TPM4: variants seen among roughly 807,000 people sequenced by gnomAD.
The protein encoded by TPM4 is tropomyosin alpha-4 chain.
Under a neutral mutation model 35.8 loss-of-function variants are expected in TPM4, and 17 were observed. That is an observed-to-expected ratio of 0.47 (90% CI 0.32 to 0.71). TPM4 has a LOEUF of 0.71. Ranked by LOEUF, TPM4 falls within the 30% of genes least tolerant of loss-of-function variation. The pLI, the probability that TPM4 is intolerant of heterozygous loss-of-function variation, is 0.03. For synonymous variants in TPM4, 120 were observed against 122.9 expected, an observed-to-expected ratio of 0.98 and a Z score of 0.15; for missense variants, 240 against 320.9, an observed-to-expected ratio of 0.75 and a Z score of 1.93.
At chr19:16,085,319 T>A (rs1346258035) in intron 2 of TPM4, among the ~76,000 whole-genome samples, 1 of 151,804 alleles carries the variant, frequency 6.6e-6, no homozygotes, top group Non-Finnish European at 1.5e-5. Context: ...AGTGGTGCAA[T>A]CACGACTCAC....
intron 6 of TPM4, 38 bp downstream of exon 6, chr19:16,093,636 TGG>T: frequency 6.2e-7 from 1 of 1,614,224 alleles, no homozygotes; most frequent in Non-Finnish European, 8.5e-7. Flanking sequence ...TGGTTTCTCC[TGG>T]GGCTGGTCTT....
upstream of TPM4, among the ~76,000 whole-genome samples, chr19:16,073,963 C>CAAAACAAAA (rs1568298140): frequency 1.4e-5 from 1 of 71,882 alleles, no homozygotes; most frequent in Non-Finnish European, 2.5e-5. Context: ...AAAAAAAACG[C>CAAAACAAAA]AAAAAAAAAA....
At chr19:16,099,247 T>G (rs2090737622) in intron 7 of TPM4, among the ~76,000 whole-genome samples, 1 of 152,050 alleles carries the variant, frequency 6.6e-6, no homozygotes, top group African/African-American at 2.4e-5. Context: ...ACCCGGCTAA[T>G]TTTTTGTATT....
chr19:16,099,080 G>GTGTGTGTGTT lies in TPM4; in HGVS notation c.665-2175_665-2174insTTGTGTGTGT, dbSNP rs1040920725. On this transcript the variant is annotated intron_variant, in intron 7 of 7. Transcript: ENST00000643579. ...CATAGTCACTTGACTCTGTGTGTGT[G>GTGTGTGTGTT]TGTGTGTGTGTGTGTGTGTGATGGA... Among the ~76,000 whole-genome samples, 12 of 150,980 alleles carry GTGTGTGTGTT rather than the reference G, an allele frequency of 7.9e-5. No individual in the cohort carries two copies. In the South Asian group the frequency reaches 1.0e-3, roughly 13 times the overall value.
upstream of TPM4, chr19:16,076,067 C>T (rs748704199): frequency 5.0e-6 from 8 of 1,609,022 alleles, no homozygotes; most frequent in African/African-American, 8.0e-5. Flanking sequence ...AGCTGACGCA[C>T]CTCCAGAAGA....
intron 2 of TPM4, among the ~76,000 whole-genome samples, chr19:16,082,990 CAAAAAAAAAA>C (rs1195606325): frequency 1.6e-5 from 1 of 62,854 alleles, no homozygotes; most frequent in Non-Finnish European, 3.1e-5. Flanking sequence ...GATTCTGTCT[CAAAAAAAAAA>C]AAAAAAAAAA....
chr19:16,098,342 C>G (rs2090723918), intron 7 of TPM4, among the ~76,000 whole-genome samples: 1 of 151,998 alleles, frequency 6.6e-6, no homozygotes. Flanking sequence ...ACTGGGGAGG[C>G]TGAGGTGGGA....
intron 3 of TPM4, 51 bp downstream of exon 3, chr19:16,086,591 T>G: frequency 6.7e-7 from 1 of 1,503,708 alleles, no homozygotes; most frequent in Non-Finnish European, 9.2e-7. Context: ...AGGAAATGCA[T>G]CTGCTGAGAT....
At position 16,067,610 on chromosome 19, in the gene TPM4, C is replaced by T. The variant is rs1218261515; in HGVS notation, c.-15C>T. 1.9e-6 allele frequency: 3 copies of T among 1,611,014 alleles called. No individual in the cohort carries two copies. The highest frequency in any genetic ancestry group is 2.5e-6 in the Non-Finnish European group (3 of 1,178,622). On this transcript the variant is annotated 5_prime_UTR_variant, in exon 2 of 3. Transcript: ENST00000589897. This position sits in a 1 kb window ranked among gnomAD's most constrained non-coding sequence, Gnocchi z 4.1. ...CCCGCCGCGCACCCCACGTCCCCCA[C>T]GCCAGCGCCCAGCCATGGAGGCCAT... is the stretch of plus-strand genomic sequence containing the variant.
chr19:16,081,017 C>T, intron 1 of TPM4: 2 of 398,584 alleles, frequency 5.0e-6, no homozygotes, highest in Non-Finnish European at 8.8e-6. Flanking sequence ...TGCCATCTCT[C>T]AGCCAGGCGG....
chr19:16,092,753 C>T (rs561551682), intron 5 of TPM4, among the ~76,000 whole-genome samples: 62 of 152,312 alleles, frequency 4.1e-4, no homozygotes, highest in African/African-American at 1.5e-3. Context: ...CCAGGCTGGT[C>T]TCGAACTCCT....
chr19:16,069,749 T>G (rs73010976), intron 2 of TPM4, among the ~76,000 whole-genome samples: 40,817 of 141,030 alleles, frequency 0.29, 6,191 homozygotes, highest in Middle Eastern at 0.36. Context: ...TATTGGGGGG[T>G]GTGTGCATGT....
At chr19:16,087,550 C>T (rs983361105) in intron 3 of TPM4, among the ~76,000 whole-genome samples, 5 of 151,668 alleles carry the variant, frequency 3.3e-5, no homozygotes, top group Admixed American at 6.6e-5. Flanking sequence ...GCATTTCAGC[C>T]TGGGTGATGG....
chr19:16,087,439 T>A lies in TPM4; in HGVS notation c.385-588T>A, dbSNP rs143111006. On this transcript the variant is annotated intron_variant, in intron 3 of 7. Transcript: ENST00000643579. Reference sequence around the variant, plus strand: ...AAAAAATACAAAAATTAGCCGGGCATGGTCGTGCATGCCTGTAAGCCCAGC... The same window carrying A: ...AAAAAATACAAAAATTAGCCGGGCAAGGTCGTGCATGCCTGTAAGCCCAGC... Among the ~76,000 whole-genome samples the A allele has an allele frequency of 3.7e-3, 561 of 152,132 alleles. 2 individuals are homozygous for A. Among genetic ancestry groups the A allele is most frequent in the African/African-American group, 0.012 (515 of 41,474 alleles).
At chr19:16,088,852 A>G in intron 4 of TPM4, 193 bp from the exon 5 acceptor site, 2 of 1,385,120 alleles carry the variant, frequency 1.4e-6, no homozygotes, top group Non-Finnish European at 1.9e-6. Flanking sequence ...TCTGCCTGGT[A>G]TGATAAGCCT....
At chr19:16,097,607 C>A (rs1341010562) in intron 7 of TPM4, among the ~76,000 whole-genome samples, 7 of 152,200 alleles carry the variant, frequency 4.6e-5, no homozygotes, top group Admixed American at 3.9e-4. Context: ...AAAAACATAC[C>A]AATTTGTCCC....
intron 2 of TPM4, among the ~76,000 whole-genome samples, chr19:16,071,478 C>A (rs529208372): frequency 6.6e-6 from 1 of 152,214 alleles, no homozygotes; most frequent in Non-Finnish European, 1.5e-5. Context: ...AGCCACGGAG[C>A]CTGGTCTTTG....
At chr19:16,076,134 C>G (rs754149474), upstream of TPM4, 1 of 1,579,600 alleles carries the variant, frequency 6.3e-7, no homozygotes, top group Non-Finnish European at 8.6e-7. Flanking sequence ...GAAGGACGCG[C>G]AGGAGAAGCT....
chr19:16,069,586 G>C (rs1032621360), intron 2 of TPM4, among the ~76,000 whole-genome samples: 1 of 150,724 alleles, frequency 6.6e-6, no homozygotes, highest in African/African-American at 2.4e-5. Flanking sequence ...GTTTCTATTG[G>C]TGTGTGTGGA....
Sources: allele counts gnomAD v4.1 joint callset (sites outside exome capture counted in the v4.1 genomes callset), GRCh38; gene constraint gnomAD v4.1.1; non-coding constraint Gnocchi (gnomAD v3.1); transcripts MANE v1.5; gene names NCBI Gene and HGNC (gene_info 2026-07-23, HGNC 2026-07-21).